Variants in TRIP12 observed in about 807,000 individuals in gnomAD.
The protein encoded by TRIP12 is thyroid hormone receptor interactor 12, also known as E3 ubiquitin-protein ligase TRIP12.
TRIP12 carries 25 observed loss-of-function variants against 244.2 expected under a neutral mutation model. That is an observed-to-expected ratio of 0.10 (90% CI 0.07 to 0.14). The LOEUF is 0.14. TRIP12 is among the 10% of genes least tolerant of loss of function. The pLI is 1.00. For synonymous variants in TRIP12, 905 were observed against 873.1 expected, an observed-to-expected ratio of 1.04 and a Z score of -0.64; for missense variants, 1,677 against 2,486.4, an observed-to-expected ratio of 0.67 and a Z score of 6.92.
Position 229,802,275 on chromosome 2 carries a change from A to C in TRIP12, c.3183T>G (p.Asp1061Glu). Residue 1061 changes from aspartate (D) to glutamate (E), a missense_variant, in exon 21 of 42, where the codon GAT becomes GAG. Asp to Glu is a conservative substitution (Grantham distance 45). Around this residue, in one of 11 missense-constraint regions of TRIP12, gnomAD observed 572 missense variants for 867.8 expected, o/e 0.66. Transcript: ENST00000675903. ...ACCCTTGAGGGCTGAGATCTAAAGA[A>C]TCATCCCTGCTGTGCTGCAAGCTGG... The part of the protein sequence containing the change: ...GSPSLQHSRD[D>E]SLDLSPQGRL... 6.2e-7 allele frequency: 1 copy of C among 1,604,490 alleles called. No individual in the cohort carries two copies. The highest frequency in any genetic ancestry group is 8.5e-7 in the Non-Finnish European group (1 of 1,172,636).
intron 1 of TRIP12, among the ~76,000 whole-genome samples, chr2:229,911,033 C>T (rs1156340602): frequency 6.6e-6 from 1 of 152,160 alleles, no homozygotes; most frequent in Admixed American, 6.5e-5. Context: ...GACTAAGCTG[C>T]TTTCCCTAGG....
At chr2:229,917,802 C>T (rs1044152054) in intron 1 of TRIP12, among the ~76,000 whole-genome samples, 6 of 152,142 alleles carry the variant, frequency 3.9e-5, no homozygotes, top group African/African-American at 7.2e-5. Flanking sequence ...GCAATACTTC[C>T]GCTTCAGCCT....
At position 229,778,978 on chromosome 2, in the gene TRIP12, G is replaced by T; in HGVS notation, c.5107C>A (p.Leu1703Ile). The change falls in exon 35 of 42, where the codon CTT becomes ATT. Residue 1703 changes from leucine to isoleucine, a missense_variant. By Grantham distance (5) the Leu-to-Ile change is conservative (BLOSUM62 2). Transcript: ENST00000675903. The surrounding 1 kb of genome is among the most constrained non-coding windows in gnomAD (Gnocchi z 4.1). ...GCATAAAACTCCAGTGTAGGCCCAA[G>T]ACCTGTACCAACCTACAGAAGAACA... ...IQYENEVGTG[L>I]GPTLEFYALV... 6.2e-7 allele frequency: 1 copy of T among 1,613,740 alleles called. No homozygotes were observed. Among genetic ancestry groups the T allele is most frequent in the Non-Finnish European group, 8.5e-7 (1 of 1,179,746 alleles).
chr2:229,770,790 T>C (rs369037603), intron 39 of TRIP12, among the ~76,000 whole-genome samples: 1 of 152,174 alleles, frequency 6.6e-6, no homozygotes, highest in East Asian at 1.9e-4. Flanking sequence ...ATAGTGAATA[T>C]GTCTCACGAG....
chr2:229,818,751 G>C (rs1241710076), intron 8 of TRIP12, among the ~76,000 whole-genome samples: 2 of 152,060 alleles, frequency 1.3e-5, no homozygotes, highest in Non-Finnish European at 2.9e-5. Context: ...TTGAAAACTT[G>C]ACTGGTTTTA....
Position 229,804,025 on chromosome 2 carries a change from A to G in TRIP12, c.2853T>C (p.Asp951=). The part of the protein sequence containing the change: ...IYFADAELLK[D]VLKNHAVSSH... The stretch of plus-strand genomic sequence containing the variant: ...TTGAAACAGCATGATTTTTCAGAAC[A>G]TCCTTCAGAAGTTCAGCATCCGCAA... Residue 951 remains aspartate, a synonymous_variant, in exon 19 of 42, where the codon GAT becomes GAC. Coordinates refer to ENST00000675903, the MANE Select transcript of TRIP12 (RefSeq NM_001348323.3). 6.2e-7 allele frequency: 1 copy of G among 1,613,332 alleles called. No homozygotes were observed. Among genetic ancestry groups the G allele is most frequent in the African/African-American group, 1.3e-5 (1 of 75,016 alleles).
chr2:229,780,360 C>A (rs1171520960), intron 34 of TRIP12, among the ~76,000 whole-genome samples: 1 of 152,250 alleles, frequency 6.6e-6, no homozygotes, highest in Non-Finnish European at 1.5e-5. Context: ...TCTCTGTCAT[C>A]TGGTCCACTG....
At chr2:229,863,235 A>C (rs1244224887) in intron 2 of TRIP12, among the ~76,000 whole-genome samples, 1 of 151,944 alleles carries the variant, frequency 6.6e-6, no homozygotes, top group Non-Finnish European at 1.5e-5. Context: ...TCTCGAAAAA[A>C]AAAAAAGAAA....
At chr2:229,878,872 G>T (rs564440970) in intron 2 of TRIP12, among the ~76,000 whole-genome samples, 10 of 151,732 alleles carry the variant, frequency 6.6e-5, no homozygotes, top group Non-Finnish European at 1.2e-4. Flanking sequence ...GTGAGCCACC[G>T]CGCCCGGCCT....
chr2:229,888,520 G>A (rs1381258945), intron 1 of TRIP12, among the ~76,000 whole-genome samples: 1 of 152,186 alleles, frequency 6.6e-6, no homozygotes. Flanking sequence ...AATCAGGATA[G>A]TGGTGTTGGC....
At chr2:229,828,450 GT>G in intron 8 of TRIP12, among the ~76,000 whole-genome samples, 1 of 151,506 alleles carries the variant, frequency 6.6e-6, no homozygotes, top group Non-Finnish European at 1.5e-5. Flanking sequence ...TTACCTGATT[GT>G]AATGTATAGA....
At chr2:229,900,336 A>T (rs1399255145) in intron 1 of TRIP12, among the ~76,000 whole-genome samples, 1 of 152,246 alleles carries the variant, frequency 6.6e-6, no homozygotes, top group Non-Finnish European at 1.5e-5. Context: ...AAGTGACACT[A>T]TCATAACCAA....
intron 12 of TRIP12, 22 bp from the exon 13 acceptor site, chr2:229,814,053 A>G: frequency 6.4e-7 from 1 of 1,556,492 alleles, no homozygotes; most frequent in South Asian, 1.2e-5. Flanking sequence ...AAAACTGTTA[A>G]GGTAAAGAAA....
intron 13 of TRIP12, 37 bp from the exon 14 acceptor site, chr2:229,811,241 A>C: frequency 1.3e-6 from 2 of 1,585,780 alleles, no homozygotes; most frequent in Non-Finnish European, 1.7e-6. Context: ...ATTTATTAGC[A>C]TAAAGCATTT....
At chr2:229,866,595 C>T (rs1184774323) in intron 2 of TRIP12, among the ~76,000 whole-genome samples, 1 of 152,080 alleles carries the variant, frequency 6.6e-6, no homozygotes, top group Non-Finnish European at 1.5e-5. Context: ...GGAGCACTGC[C>T]TCTGATAGAG....
intron 34 of TRIP12, among the ~76,000 whole-genome samples, chr2:229,779,383 C>G (rs911872429): frequency 5.3e-5 from 8 of 152,190 alleles, no homozygotes; most frequent in Non-Finnish European, 1.0e-4. Flanking sequence ...AGGCTCCCCC[C>G]AGCATCTGCT....
At chr2:229,818,578 G>T (rs2049083408) in intron 8 of TRIP12, 66 bp from the exon 9 acceptor site, 1 of 1,443,268 alleles carries the variant, frequency 6.9e-7, no homozygotes, top group Non-Finnish European at 9.4e-7. Context: ...TATAAGGTGT[G>T]ACTCGAAATG....
intron 1 of TRIP12, among the ~76,000 whole-genome samples, chr2:229,909,391 A>C (rs111521219): frequency 3.3e-5 from 5 of 150,796 alleles, no homozygotes; most frequent in East Asian, 3.9e-4. Flanking sequence ...ACACACACAA[A>C]AAAAAAAAAT....
rs2041928235 is a variant in TRIP12, at chr2:229,792,986, G to A, written c.4128C>T (p.Tyr1376=). 2 of 1,612,200 alleles carry A rather than the reference G, an allele frequency of 1.2e-6. No homozygotes were observed. Among genetic ancestry groups the A allele is most frequent in the Non-Finnish European group, 8.5e-7 (1 of 1,179,228 alleles). The change falls in exon 27 of 42, where the codon TAC becomes TAT. Residue 1376 remains tyrosine, a synonymous_variant. Transcript: ENST00000675903. ...TATGGAAAGTACCTCTAACTACAAG[G>A]TATCTCTCGATGGCTTGTACCAAAG... is the stretch of plus-strand genomic sequence containing the variant. ...PLALVQAIER[Y]LVVRGYGRVR...
Sources: allele counts gnomAD v4.1 joint callset (sites outside exome capture counted in the v4.1 genomes callset), GRCh38; gene constraint gnomAD v4.1.1; regional missense constraint gnomAD v4.1.1; non-coding constraint Gnocchi (gnomAD v3.1); transcripts MANE v1.5; gene names NCBI Gene and HGNC (gene_info 2026-07-23, HGNC 2026-07-21).